GLIS3: variants seen among roughly 807,000 people sequenced by gnomAD.
GLIS3 encodes the protein zinc finger protein GLIS3.
In GLIS3, 53 loss-of-function variants were observed where a neutral mutation model predicts 78.6. The observed-to-expected ratio is 0.67, with a 90% CI of 0.54 to 0.85. The LOEUF is 0.85. Ranked by LOEUF, GLIS3 falls within the 40% of genes least tolerant of loss-of-function variation. The probability of loss-of-function intolerance (pLI) is 0.00; values close to 1 mark genes in which losing one functional copy is unlikely to be tolerated. For synonymous variants in GLIS3, 684 were observed against 509.9 expected, an observed-to-expected ratio of 1.34 and a Z score of -4.60; for missense variants, 1,703 against 1,231.1, an observed-to-expected ratio of 1.38 and a Z score of -5.74.
In GLIS3 at chr9:4,102,080, G is replaced by A. The variant is rs1332684758; in HGVS notation, c.1710+15688C>T. ...GTCTAGAAATCTGGCTTAAAATACT[G>A]CACTATTTCTGCCCCAGGGTTTCTC... On this transcript the variant is annotated intron_variant, in intron 4 of 10. Transcript: ENST00000381971. Among the ~76,000 whole-genome samples the A allele has an allele frequency of 2.0e-5, 3 of 152,096 alleles. No individual in the cohort carries two copies. In the East Asian group the frequency reaches 5.8e-4, roughly 29 times the overall value.
At chr9:4,003,980 C>G (rs892945998) in intron 4 of GLIS3, among the ~76,000 whole-genome samples, 1 of 151,992 alleles carries the variant, frequency 6.6e-6, no homozygotes, top group African/African-American at 2.4e-5. Context: ...ATTATGATGC[C>G]CCAGTGCACC....
intron 2 of GLIS3, among the ~76,000 whole-genome samples, chr9:4,171,639 A>G (rs1408260456): frequency 6.6e-6 from 1 of 152,224 alleles, no homozygotes; most frequent in Non-Finnish European, 1.5e-5. Flanking sequence ...TAGTGGATTG[A>G]TAAGTCATCA....
intron 2 of GLIS3, among the ~76,000 whole-genome samples, chr9:4,324,672 A>C (rs547884040): frequency 6.6e-6 from 1 of 152,348 alleles, no homozygotes; most frequent in South Asian, 2.1e-4. Flanking sequence ...CAGGATTCAA[A>C]TAAATCACTA....
chr9:4,282,393 CTAATGTGGGTGGTTCTCAGCCCATCA>C (rs1189715869), intron 2 of GLIS3, among the ~76,000 whole-genome samples: 1 of 152,178 alleles, frequency 6.6e-6, no homozygotes, highest in Non-Finnish European at 1.5e-5. Context: ...ATTGCCCTCC[CTAATGTGGGTGGTTCTCAGCCCATCA>C]GTTGAAGTCC....
chr9:4,146,064 A>G (rs1834201394), intron 2 of GLIS3, among the ~76,000 whole-genome samples: 1 of 152,196 alleles, frequency 6.6e-6, no homozygotes, highest in Admixed American at 6.5e-5. Context: ...CTTACATGAG[A>G]TAGGTACTTT....
chr9:4,114,128 C>A (rs1831438187), intron 4 of GLIS3, among the ~76,000 whole-genome samples: 1 of 152,152 alleles, frequency 6.6e-6, no homozygotes, highest in African/African-American at 2.4e-5. Context: ...CAACAGAACC[C>A]TGGGTCCCTC....
intron 2 of GLIS3, among the ~76,000 whole-genome samples, chr9:4,166,927 C>G (rs1443180455): frequency 6.6e-6 from 1 of 152,168 alleles, no homozygotes; most frequent in Non-Finnish European, 1.5e-5. Context: ...AGCAACTAAA[C>G]CAAGGTTAAA....
chr9:3,868,035 T>C (rs1820716651), intron 8 of GLIS3, among the ~76,000 whole-genome samples: 4 of 152,136 alleles, frequency 2.6e-5, no homozygotes, highest in African/African-American at 7.2e-5. Context: ...CTGATAAAAA[T>C]GGTTATTTGA....
the GLIS3 span, among the ~76,000 whole-genome samples, chr9:4,453,253 C>T: frequency 4.8e-5 from 7 of 145,592 alleles, no homozygotes; most frequent in Non-Finnish European, 1.0e-4. Flanking sequence ...TAGGCATGGG[C>T]AAGGACTTCA....
chr9:4,240,470 TG>T (rs1823195325), intron 2 of GLIS3, among the ~76,000 whole-genome samples: 1 of 152,176 alleles, frequency 6.6e-6, no homozygotes, highest in East Asian at 1.9e-4. Context: ...TGGGAACCCC[TG>T]ATCTAAAGCA....
In GLIS3 at chr9:3,824,861, C is replaced by A. The variant is rs971037264; in HGVS notation, c.*3411G>T. ...ACTTTGCTGTCTGTACAAAATAAATCTCTTTTTACACTCACTATTTCTCCA... is the reference window on the plus strand; with the variant it reads ...ACTTTGCTGTCTGTACAAAATAAATATCTTTTTACACTCACTATTTCTCCA... On this transcript the variant is annotated 3_prime_UTR_variant, in exon 11 of 11. Transcript: ENST00000381971. 1 of 147,022 alleles carries A rather than the reference C, an allele frequency of 6.8e-6. No homozygotes were observed. The highest frequency in any genetic ancestry group is 2.5e-5 in the African/African-American group (1 of 39,318). 9.1% of individuals were successfully genotyped at this position (147,022 alleles called of 1,614,324 possible). A position where few individuals can be genotyped will look rare whatever the true frequency, so the allele number is the denominator to read the frequency against.
intron 4 of GLIS3, among the ~76,000 whole-genome samples, chr9:4,001,716 T>C (rs1264873741): frequency 2.0e-5 from 3 of 152,210 alleles, no homozygotes; most frequent in Non-Finnish European, 2.9e-5. Context: ...TTTATGAATA[T>C]GACATGCCAA....
intron 2 of GLIS3, among the ~76,000 whole-genome samples, chr9:4,265,897 GTT>G (rs148160187): frequency 1.7e-4 from 21 of 120,782 alleles, no homozygotes; most frequent in African/African-American, 7.6e-4. Context: ...ACTCACCCTG[GTT>G]TTTTTTTTGT....
At chr9:3,890,408 A>G (rs1822350544) in intron 7 of GLIS3, among the ~76,000 whole-genome samples, 1 of 152,144 alleles carries the variant, frequency 6.6e-6, no homozygotes, top group African/African-American at 2.4e-5. Context: ...AAGTAGTAGC[A>G]CCCAGCATAA....
At chr9:4,312,690 C>G (rs141102787) in intron 2 of GLIS3, among the ~76,000 whole-genome samples, 1 of 152,162 alleles carries the variant, frequency 6.6e-6, no homozygotes, top group Non-Finnish European at 1.5e-5. Flanking sequence ...TCCTTTCCCT[C>G]TCTGTTTTAT....
At chr9:4,141,837 C>T (rs1336178735) in intron 2 of GLIS3, among the ~76,000 whole-genome samples, 1 of 152,204 alleles carries the variant, frequency 6.6e-6, no homozygotes, top group Non-Finnish European at 1.5e-5. Flanking sequence ...CAAATCTCAA[C>T]ACACAGGCAA....
chr9:4,468,094 G>T, the GLIS3 span, among the ~76,000 whole-genome samples: 2 of 152,058 alleles, frequency 1.3e-5, no homozygotes, highest in Non-Finnish European at 2.9e-5. Flanking sequence ...AGAGAAAAAA[G>T]GGAAAAAAGA....
rs187856545 is a variant in GLIS3 at position 4,025,502 on chromosome 9, C to T, written c.1711-88313G>A. Among the ~76,000 whole-genome samples, 115 of 152,238 alleles carry T rather than the reference C, an allele frequency of 7.6e-4. 2 individuals are homozygous for T. The highest frequency in any genetic ancestry group is 6.0e-3 in the South Asian group (29 of 4,822). On this transcript the variant is annotated intron_variant, in intron 4 of 10. Transcript: ENST00000381971. ...TCCCTGGTGCAAGCGATTCTCCTGC[C>T]TCAGCCTCCCGAGTAGCTGGGATTA...
chr9:3,999,386 G>C (rs892888298), intron 4 of GLIS3, among the ~76,000 whole-genome samples: 1 of 152,032 alleles, frequency 6.6e-6, no homozygotes. Flanking sequence ...CCAGCAATGA[G>C]TCTGAATGCT....
Sources: gnomAD v4.1 joint callset for allele counts (sites outside exome capture counted in the v4.1 genomes callset) on GRCh38, gnomAD v4.1.1 for gene constraint, MANE v1.5 for transcripts, NCBI Gene and HGNC (gene_info 2026-07-23, HGNC 2026-07-21) for gene names.